Variants in MAP3K5 observed in about 807,000 individuals in gnomAD.
MAP3K5 encodes the protein mitogen-activated protein kinase kinase kinase 5.
A neutral mutation model predicts 158.7 loss-of-function variants in MAP3K5; 56 were observed. The observed-to-expected ratio is 0.35, with a 90% CI of 0.28 to 0.44. The LOEUF (loss-of-function observed/expected upper bound fraction) is 0.44, where lower values mean the gene tolerates loss of function less well. Ranked by LOEUF, MAP3K5 falls within the 20% of genes least tolerant of loss-of-function variation. The pLI, the probability that MAP3K5 is intolerant of heterozygous loss-of-function variation, is 1.00. For missense variants in MAP3K5, 1,294 were observed against 1,674.8 expected (o/e 0.77, Z 3.97); for synonymous variants, 579 against 601.7 (o/e 0.96, Z 0.55).
intron 7 of MAP3K5, among the ~76,000 whole-genome samples, chr6:136,692,377 C>T (rs949441974): frequency 6.6e-6 from 1 of 152,110 alleles, no homozygotes; most frequent in South Asian, 2.1e-4. Context: ...CCAGGTCCTC[C>T]GGCAGCCTCA....
At chr6:136,663,519 A>G (rs1172610093) in intron 8 of MAP3K5, among the ~76,000 whole-genome samples, 1 of 144,658 alleles carries the variant, frequency 6.9e-6, no homozygotes, top group Non-Finnish European at 1.5e-5. Context: ...ATTGACTCCC[A>G]AATGTCTCTT....
chr6:136,583,948 C>G (rs1278891858), intron 23 of MAP3K5, among the ~76,000 whole-genome samples: 1 of 152,112 alleles, frequency 6.6e-6, no homozygotes, highest in East Asian at 1.9e-4. Context: ...CAGGCATGAG[C>G]CACCATACTT....
intron 18 of MAP3K5, among the ~76,000 whole-genome samples, chr6:136,610,550 G>C (rs898236692): frequency 2.0e-5 from 3 of 149,488 alleles, no homozygotes; most frequent in African/African-American, 4.9e-5. Context: ...GAAGTGATTA[G>C]GGTATGAGTA....
intron 25 of MAP3K5, among the ~76,000 whole-genome samples, chr6:136,574,407 A>C (rs1197912109): frequency 6.6e-6 from 1 of 152,202 alleles, no homozygotes; most frequent in East Asian, 1.9e-4. Flanking sequence ...GGTAATATCA[A>C]GTGCTTGAAG....
chr6:136,702,906 G>C (rs560154323), intron 3 of MAP3K5, among the ~76,000 whole-genome samples: 2 of 152,116 alleles, frequency 1.3e-5, no homozygotes, highest in Middle Eastern at 6.8e-3. Context: ...ATGTTGGCCA[G>C]ACTGGTCTCA....
chr6:136,574,079 C>T (rs756280781), intron 25 of MAP3K5, among the ~76,000 whole-genome samples: 2 of 152,000 alleles, frequency 1.3e-5, no homozygotes, highest in Admixed American at 6.6e-5. Context: ...TATAGGCATG[C>T]GCCATCATAC....
At chr6:136,754,437 G>C (rs569342661) in intron 1 of MAP3K5, among the ~76,000 whole-genome samples, 6 of 152,076 alleles carry the variant, frequency 3.9e-5, no homozygotes, top group South Asian at 2.1e-4. Context: ...AAATTTGCCA[G>C]ATGTGGTGGC....
At chr6:136,776,215 ATT>A (rs1459526462) in intron 1 of MAP3K5, among the ~76,000 whole-genome samples, 1 of 152,174 alleles carries the variant, frequency 6.6e-6, no homozygotes, top group African/African-American at 2.4e-5. Flanking sequence ...CTTGTATGCT[ATT>A]ATGGTTTTGG....
intron 14 of MAP3K5, among the ~76,000 whole-genome samples, chr6:136,632,563 G>A (rs569236386): frequency 1.3e-5 from 2 of 152,218 alleles, no homozygotes; most frequent in African/African-American, 2.4e-5. Context: ...GGGAGTCGCA[G>A]GATTAAATCT....
At chr6:136,625,022 G>C (rs967301611) in intron 14 of MAP3K5, among the ~76,000 whole-genome samples, 3 of 152,196 alleles carry the variant, frequency 2.0e-5, no homozygotes, top group Non-Finnish European at 4.4e-5. Flanking sequence ...GGTGACTGCA[G>C]AAGCTAGAAA....
intron 1 of MAP3K5, among the ~76,000 whole-genome samples, chr6:136,770,156 C>T (rs1381266907): frequency 6.6e-6 from 1 of 151,860 alleles, no homozygotes; most frequent in Non-Finnish European, 1.5e-5. Context: ...AGACAGAGAC[C>T]ATGTTTATTT....
At chr6:136,749,266 A>G (rs376950028) in intron 1 of MAP3K5, among the ~76,000 whole-genome samples, 127 of 151,956 alleles carry the variant, frequency 8.4e-4, no homozygotes, top group African/African-American at 2.7e-3. Context: ...CCAGCTACTC[A>G]GGAGGCTGAG....
intron 6 of MAP3K5, among the ~76,000 whole-genome samples, chr6:136,694,736 CA>C (rs1287807805): frequency 2.0e-5 from 3 of 152,212 alleles, no homozygotes; most frequent in Non-Finnish European, 4.4e-5. Flanking sequence ...TTAGCAAACT[CA>C]TTCACAGATG....
At chr6:136,776,272 A>C (rs999447986) in intron 1 of MAP3K5, among the ~76,000 whole-genome samples, 2 of 152,074 alleles carry the variant, frequency 1.3e-5, no homozygotes, top group Non-Finnish European at 2.9e-5. Context: ...TTGAGACAGG[A>C]CATTGCTGTC....
intron 8 of MAP3K5, among the ~76,000 whole-genome samples, chr6:136,666,552 A>G (rs1779238313): frequency 6.6e-6 from 1 of 152,194 alleles, no homozygotes; most frequent in Admixed American, 6.5e-5. Context: ...AACTAGGTGT[A>G]TCTTTAAAAT....
rs553271672 is a variant in MAP3K5 at position 136,760,135 on chromosome 6, G to A, written c.448+31575C>T. Reference sequence around the variant, plus strand: ...TTGATTTGTCCTCTGTCATCTTGTGGAGAGTGATAGAGTATTTTTTAATTT... The same window carrying A: ...TTGATTTGTCCTCTGTCATCTTGTGAAGAGTGATAGAGTATTTTTTAATTT... On this transcript the variant is annotated intron_variant, in intron 1 of 29. Coordinates refer to ENST00000359015, the MANE Select transcript of MAP3K5 (RefSeq NM_005923.4). Among the ~76,000 whole-genome samples the A allele has an allele frequency of 6.2e-4, 95 of 152,306 alleles. No homozygotes were observed. In the Middle Eastern group the frequency reaches 0.01, roughly 16 times the overall value.
chr6:136,583,528 A>T, intron 24 of MAP3K5, 27 bp downstream of exon 24: 1 of 1,584,146 alleles, frequency 6.3e-7, no homozygotes. Flanking sequence ...AGTGTGTGGG[A>T]AAACACTGGC....
chr6:136,576,043 AT>A (rs1774601885), intron 25 of MAP3K5, among the ~76,000 whole-genome samples: 1 of 152,000 alleles, frequency 6.6e-6, no homozygotes, highest in South Asian at 2.1e-4. Context: ...TTCCTCATTC[AT>A]TTTTATTTAT....
rs369471920 is a variant in MAP3K5 at position 136,711,730 on chromosome 6, AAAT to A, written c.589-6600_589-6598del. On this transcript the variant is annotated intron_variant, in intron 2 of 29. Transcript: ENST00000359015. ...AAAATACCTTCTATCTCTCCAATCCAAATAATATCTAACTTGTCTGTCTCGTTG... is the reference window on the plus strand; with the variant it reads ...AAAATACCTTCTATCTCTCCAATCCAAATATCTAACTTGTCTGTCTCGTTG... Among the ~76,000 whole-genome samples the A allele has an allele frequency of 2.2e-4, 33 of 152,274 alleles. No individual in the cohort carries two copies. In the East Asian group the frequency reaches 6.4e-3, roughly 29 times the overall value.
Sources: gnomAD v4.1 joint callset for allele counts (sites outside exome capture counted in the v4.1 genomes callset) on GRCh38, gnomAD v4.1.1 for gene constraint, MANE v1.5 for transcripts, NCBI Gene and HGNC (gene_info 2026-07-23, HGNC 2026-07-21) for gene names.